Variants in RSRC1 observed in about 807,000 individuals in gnomAD.
RSRC1 encodes the protein serine/Arginine-related protein 53.
A neutral mutation model predicts 49.1 loss-of-function variants in RSRC1; 39 were observed. The observed-to-expected ratio is 0.79, with a 90% CI of 0.61 to 1.04. The LOEUF (loss-of-function observed/expected upper bound fraction) is 1.04, where lower values mean the gene tolerates loss of function less well. Among genes scored for constraint, RSRC1 ranks in the 50% least tolerant of loss-of-function variants. The pLI is 0.00. For synonymous variants in RSRC1, 143 were observed against 130.8 expected (o/e 1.09, Z -0.63); for missense variants, 388 against 402.4 (o/e 0.96, Z 0.31).
intron 4 of RSRC1, among the ~76,000 whole-genome samples, chr3:158,247,059 G>A (rs757631756): frequency 3.9e-5 from 6 of 151,914 alleles, no homozygotes; most frequent in Admixed American, 2.0e-4. Flanking sequence ...TGTATTTCTC[G>A]GAGGATTGTT....
At chr3:158,190,596 T>C (rs1054391091) in intron 3 of RSRC1, among the ~76,000 whole-genome samples, 1 of 151,412 alleles carries the variant, frequency 6.6e-6, no homozygotes, top group Non-Finnish European at 1.5e-5. Context: ...ATTTCATATC[T>C]CCCTGTTATT....
intron 7 of RSRC1, among the ~76,000 whole-genome samples, chr3:158,490,582 A>G (rs1312178376): frequency 1.3e-5 from 2 of 152,208 alleles, no homozygotes; most frequent in Non-Finnish European, 2.9e-5. Flanking sequence ...TAAATTTTTA[A>G]AAGCAAATTA....
chr3:158,183,982 G>A (rs567328684), intron 3 of RSRC1, among the ~76,000 whole-genome samples: 3 of 152,044 alleles, frequency 2.0e-5, no homozygotes, highest in African/African-American at 7.2e-5. Context: ...ACTGGGGTGG[G>A]GTTTCGCTTT....
At chr3:158,368,784 C>G (rs1731913164) in intron 6 of RSRC1, among the ~76,000 whole-genome samples, 1 of 152,046 alleles carries the variant, frequency 6.6e-6, no homozygotes, top group Non-Finnish European at 1.5e-5. Flanking sequence ...ATTAATTACC[C>G]TTTAATATCT....
intron 4 of RSRC1, among the ~76,000 whole-genome samples, chr3:158,253,769 T>A (rs2108018412): frequency 6.6e-6 from 1 of 152,270 alleles, no homozygotes; most frequent in East Asian, 1.9e-4. Flanking sequence ...TTTATATATT[T>A]ATTTATTTAA....
At chr3:158,120,972 A>G (rs1194317552) in intron 1 of RSRC1, among the ~76,000 whole-genome samples, 2 of 151,622 alleles carry the variant, frequency 1.3e-5, no homozygotes, top group African/African-American at 4.8e-5. Context: ...TAATTCCTAA[A>G]TATGAAAGCC....
chr3:158,442,380 C>A (rs1736430279), intron 6 of RSRC1, among the ~76,000 whole-genome samples: 1 of 152,116 alleles, frequency 6.6e-6, no homozygotes, highest in Non-Finnish European at 1.5e-5. Context: ...TACTCTAAAT[C>A]ATTTGTTGTC....
chr3:158,183,579 A>G (rs548788412), intron 3 of RSRC1, among the ~76,000 whole-genome samples: 21 of 152,318 alleles, frequency 1.4e-4, no homozygotes, highest in African/African-American at 5.1e-4. Context: ...AGTTATAAAA[A>G]TAAAAAGTAA....
At chr3:158,369,010 G>T (rs998785710) in intron 6 of RSRC1, among the ~76,000 whole-genome samples, 2 of 151,988 alleles carry the variant, frequency 1.3e-5, no homozygotes, top group South Asian at 4.1e-4. Context: ...AAAAATTCTA[G>T]TTTAGTGTAA....
intron 6 of RSRC1, among the ~76,000 whole-genome samples, chr3:158,386,574 A>G (rs766752775): frequency 4.6e-5 from 7 of 152,206 alleles, no homozygotes; most frequent in Non-Finnish European, 1.0e-4. Context: ...ACACACTATT[A>G]TTATGAAACT....
At chr3:158,201,033 C>CAAGT (rs1578192108) in intron 3 of RSRC1, among the ~76,000 whole-genome samples, 1 of 152,030 alleles carries the variant, frequency 6.6e-6, no homozygotes, top group Non-Finnish European at 1.5e-5. Flanking sequence ...TATTGTAATG[C>CAAGT]AAGTCTTCTG....
intron 7 of RSRC1, among the ~76,000 whole-genome samples, chr3:158,491,812 A>G (rs935965508): frequency 5.9e-5 from 9 of 152,164 alleles, no homozygotes; most frequent in Admixed American, 5.9e-4. Context: ...ATGGGTTGGA[A>G]CATTCTGAGT....
intron 4 of RSRC1, chr3:158,276,193 T>C: frequency 1.2e-6 from 1 of 824,376 alleles, no homozygotes. Flanking sequence ...GTTGCACCCT[T>C]AGGAACTGGG....
rs767752552 is a variant in RSRC1, at chr3:158,354,921, A to G, written c.583+13A>G. ...CTTGAAGCTGCTGGTAAGTGTTGAT[A>G]ATTAACTTTTATTAAATGAAGAAGT... On this transcript the variant is annotated intron_variant, in intron 6 of 9. Transcript: ENST00000611884. 2 of 1,534,846 alleles carry G rather than the reference A, an allele frequency of 1.3e-6. No homozygotes were observed. The highest frequency in any genetic ancestry group is 2.2e-5 in the Admixed American group (1 of 45,402).
chr3:158,352,252 A>G (rs1046245778), intron 5 of RSRC1, among the ~76,000 whole-genome samples: 4 of 152,134 alleles, frequency 2.6e-5, no homozygotes, highest in Non-Finnish European at 5.9e-5. Flanking sequence ...AGCCTAGGCA[A>G]CAGAGTGAGA....
rs1733941526 is a variant in RSRC1, at chr3:158,402,465, G to A, written c.583+47557G>A. On this transcript the variant is annotated intron_variant, in intron 6 of 9. Coordinates refer to ENST00000611884, the MANE Select transcript of RSRC1 (RefSeq NM_001271838.2). ...TATCTTTAAAATTTTTCTTTAAATGGTTATTATTTATATAACTGTTGGAGC... is the reference window on the plus strand; with the variant it reads ...TATCTTTAAAATTTTTCTTTAAATGATTATTATTTATATAACTGTTGGAGC... Among the ~76,000 whole-genome samples the A allele has an allele frequency of 2.0e-5, 3 of 151,584 alleles. No homozygotes were observed. The South Asian group carries it at 6.2e-4, about 31-fold the overall frequency.
At chr3:158,133,408 T>G (rs1392747956) in intron 3 of RSRC1, among the ~76,000 whole-genome samples, 1 of 152,220 alleles carries the variant, frequency 6.6e-6, no homozygotes, top group Non-Finnish European at 1.5e-5. Flanking sequence ...GGTAATGCTA[T>G]AAATTTAAAA....
chr3:158,217,765 T>TGTG (rs112702432), intron 4 of RSRC1, among the ~76,000 whole-genome samples: 142 of 141,432 alleles, frequency 1.0e-3, no homozygotes, highest in South Asian at 5.4e-3. Flanking sequence ...TGTGTGTGTG[T>TGTG]GGGGGGGGAA....
intron 5 of RSRC1, among the ~76,000 whole-genome samples, chr3:158,325,840 A>G (rs1729098811): frequency 6.6e-6 from 1 of 152,114 alleles, no homozygotes; most frequent in Non-Finnish European, 1.5e-5. Context: ...TTTTCACAAT[A>G]TTGATTCTTC....
Sources: allele counts gnomAD v4.1 joint callset (sites outside exome capture counted in the v4.1 genomes callset), GRCh38; gene constraint gnomAD v4.1.1; transcripts MANE v1.5; gene names NCBI Gene and HGNC (gene_info 2026-07-23, HGNC 2026-07-21).